L3MBTL3: variants seen among roughly 807,000 people sequenced by gnomAD.
The protein encoded by L3MBTL3 is lethal(3)malignant brain tumor-like protein 3.
Under a neutral mutation model 102.3 loss-of-function variants are expected in L3MBTL3, and 27 were observed. That is an observed-to-expected ratio of 0.26 (90% CI 0.19 to 0.36). The LOEUF (loss-of-function observed/expected upper bound fraction) is 0.36, where lower values mean the gene tolerates loss of function less well. Among genes scored for constraint, L3MBTL3 ranks in the 10% least tolerant of loss-of-function variants. The pLI is 1.00. For synonymous variants in L3MBTL3, 340 were observed against 320.9 expected, an observed-to-expected ratio of 1.06 and a Z score of -0.64; for missense variants, 798 against 955.3, an observed-to-expected ratio of 0.84 and a Z score of 2.17.
At position 130,068,323 on chromosome 6, in the gene L3MBTL3, A is replaced by G; in HGVS notation, c.1001-7A>G. 6.7e-7 allele frequency: 1 copy of G among 1,498,496 alleles called. No homozygotes were observed. Among genetic ancestry groups the G allele is most frequent in the Non-Finnish European group, 9.3e-7 (1 of 1,075,434 alleles). 92.8% of individuals were successfully genotyped at this position (1,498,496 alleles called of 1,614,324 possible). The stretch of plus-strand genomic sequence containing the variant: ...TGAATCAATCTGTTCATATGTGCTT[A>G]CTCTAGGGTATAAAGAAGAAGAATT... On this transcript the variant is annotated splice_region_variant and splice_polypyrimidine_tract_variant and intron_variant, in intron 11 of 22. Coordinates refer to ENST00000361794, the MANE Select transcript of L3MBTL3 (RefSeq NM_032438.4).
intron 19 of L3MBTL3, among the ~76,000 whole-genome samples, chr6:130,115,531 G>A (rs1210352189): frequency 1.3e-5 from 2 of 152,138 alleles, no homozygotes; most frequent in East Asian, 3.8e-4. Flanking sequence ...AAACAGACTT[G>A]AAGAAATACA....
chr6:130,020,472 C>G (rs1185323135), intron 1 of L3MBTL3: 1 of 152,226 alleles, frequency 6.6e-6, no homozygotes, highest in African/African-American at 2.4e-5. Context: ...ATTCCCCCCT[C>G]CCCCAGTCCC....
chr6:130,082,884 C>T (rs578118626), intron 14 of L3MBTL3, among the ~76,000 whole-genome samples: 2 of 152,254 alleles, frequency 1.3e-5, no homozygotes, highest in Middle Eastern at 3.4e-3. Context: ...CAATTCAAAT[C>T]CAACACATCA....
intron 2 of L3MBTL3, among the ~76,000 whole-genome samples, chr6:130,025,198 A>G (rs979619997): frequency 1.3e-5 from 2 of 152,182 alleles, no homozygotes; most frequent in African/African-American, 4.8e-5. Context: ...TGCTTATAGT[A>G]TAGGTAAAGA....
At chr6:130,043,428 A>G (rs913919404) in intron 3 of L3MBTL3, among the ~76,000 whole-genome samples, 3 of 152,008 alleles carry the variant, frequency 2.0e-5, no homozygotes, top group Non-Finnish European at 4.4e-5. Context: ...TTTCCCAGTA[A>G]CCCCAAACCT....
At chr6:130,070,190 T>C (rs1031759258) in intron 12 of L3MBTL3, among the ~76,000 whole-genome samples, 1 of 152,184 alleles carries the variant, frequency 6.6e-6, no homozygotes, top group African/African-American at 2.4e-5. Context: ...TATCTAGATA[T>C]ACTAGTCTAT....
At chr6:130,125,038 AAC>A (rs1786501374) in intron 20 of L3MBTL3, among the ~76,000 whole-genome samples, 1 of 152,198 alleles carries the variant, frequency 6.6e-6, no homozygotes, top group African/African-American at 2.4e-5. Context: ...AGGACAGTTA[AAC>A]AGTCGTCTTA....
chr6:130,082,782 GA>G (rs1210429999), intron 14 of L3MBTL3, among the ~76,000 whole-genome samples: 2 of 152,102 alleles, frequency 1.3e-5, no homozygotes, highest in Non-Finnish European at 2.9e-5. Flanking sequence ...ATATAGCTAG[GA>G]AATACATGTG....
intron 20 of L3MBTL3, among the ~76,000 whole-genome samples, chr6:130,131,036 T>A (rs1299193907): frequency 6.6e-6 from 1 of 152,148 alleles, no homozygotes; most frequent in Non-Finnish European, 1.5e-5. Flanking sequence ...TAACAAAAGA[T>A]GTGCAAGATC....
chr6:130,081,422 AT>A (rs71028192), intron 14 of L3MBTL3, among the ~76,000 whole-genome samples: 9,741 of 145,092 alleles, frequency 0.067, 425 homozygotes, highest in Non-Finnish European at 0.1. Flanking sequence ...TATTAACTCC[AT>A]TTTTTTTTTT....
chr6:130,071,352 G>GAAGTGCAGTCTGCACACTCCACATTCCC (rs1176575437), intron 13 of L3MBTL3, among the ~76,000 whole-genome samples: 39 of 151,906 alleles, frequency 2.6e-4, no homozygotes, highest in Middle Eastern at 3.2e-3. Context: ...TCCTACTATG[G>GAAGTGCAGTCTGCACACTCCACATTCCC]AAGTGCAGTC....
At chr6:130,131,850 G>T (rs932627825) in intron 20 of L3MBTL3, among the ~76,000 whole-genome samples, 2 of 152,176 alleles carry the variant, frequency 1.3e-5, no homozygotes, top group East Asian at 3.9e-4. Flanking sequence ...GGTGGGTTTT[G>T]TCTGGCTTCT....
At chr6:130,060,640 C>G (rs7771774) in intron 10 of L3MBTL3, among the ~76,000 whole-genome samples, 1 of 151,670 alleles carries the variant, frequency 6.6e-6, no homozygotes, top group African/African-American at 2.4e-5. Flanking sequence ...CCATGTCTGT[C>G]TGATTCTATA....
Position 130,133,576 on chromosome 6 carries a change from C to T in L3MBTL3, c.2091C>T (p.Val697=), listed in dbSNP as rs372705721. ...WEQQSKLLPT[V]AGIPASKVSK... ...AGCAAAGCAAACTTCTTCCAACTGTCGCAGGAATCCCTGCCAGTAAAGTTT... is the reference window on the plus strand; with the variant it reads ...AGCAAAGCAAACTTCTTCCAACTGTTGCAGGAATCCCTGCCAGTAAAGTTT... Residue 697 remains valine (V), a synonymous_variant, in exon 21 of 23, where the codon GTC becomes GTT. Coordinates refer to ENST00000361794, the MANE Select transcript of L3MBTL3 (RefSeq NM_032438.4). The surrounding 1 kb of genome is among the most constrained non-coding windows in gnomAD (Gnocchi z 4.9). 6.6e-5 allele frequency: 107 copies of T among 1,613,900 alleles called. No homozygotes were observed. Among genetic ancestry groups the T allele is most frequent in the Non-Finnish European group, 7.5e-5 (88 of 1,179,998 alleles).
At chr6:130,085,908 A>G (rs566302087) in intron 15 of L3MBTL3, among the ~76,000 whole-genome samples, 3 of 152,162 alleles carry the variant, frequency 2.0e-5, no homozygotes, top group South Asian at 2.1e-4. Flanking sequence ...GCATGCCACC[A>G]TGCCTGGCTA....
intron 19 of L3MBTL3, among the ~76,000 whole-genome samples, chr6:130,117,207 G>T (rs1285729262): frequency 7.3e-6 from 1 of 136,682 alleles, no homozygotes; most frequent in Non-Finnish European, 1.5e-5. Context: ...CCACCTATGA[G>T]TGAGAATATG....
intron 3 of L3MBTL3, among the ~76,000 whole-genome samples, chr6:130,049,008 A>G (rs1271769291): frequency 6.6e-6 from 1 of 150,572 alleles, no homozygotes; most frequent in Non-Finnish European, 1.5e-5. Context: ...TAGCCTATCA[A>G]GTAAGCTGCC....
At chr6:130,094,477 C>A in intron 18 of L3MBTL3, 110 bp downstream of exon 18, 2 of 545,912 alleles carry the variant, frequency 3.7e-6, no homozygotes, top group Non-Finnish European at 3.0e-6. Flanking sequence ...AAATTCAGAT[C>A]CATAAGAAAT....
intron 13 of L3MBTL3, among the ~76,000 whole-genome samples, chr6:130,071,868 T>C (rs1385801513): frequency 6.6e-6 from 1 of 152,170 alleles, no homozygotes; most frequent in African/African-American, 2.4e-5. Context: ...AGTAGACACA[T>C]TGATAATTTC....
Sources: allele counts gnomAD v4.1 joint callset (sites outside exome capture counted in the v4.1 genomes callset), GRCh38; gene constraint gnomAD v4.1.1; non-coding constraint Gnocchi (gnomAD v3.1); transcripts MANE v1.5; gene names NCBI Gene and HGNC (gene_info 2026-07-23, HGNC 2026-07-21).